The following RNF7 variants were observed in gnomAD, a reference collection of about 807,000 sequenced individuals.
RNF7 encodes RING-box protein 2.
Under a neutral mutation model 17.0 loss-of-function variants are expected in RNF7, and 9 were observed. That is an observed-to-expected ratio of 0.53 (90% CI 0.32 to 0.92). RNF7 has a LOEUF of 0.92. RNF7 is among the 40% of genes least tolerant of loss of function. The pLI, the probability that RNF7 is intolerant of heterozygous loss-of-function variation, is 0.04. For missense variants in RNF7, 87 were observed against 145.8 expected (o/e 0.60, Z 2.08); for synonymous variants, 59 against 50.5 (o/e 1.17, Z -0.72).
At chr3:141,743,919 C>T (rs2107858392) in intron 2 of RNF7, among the ~76,000 whole-genome samples, 1 of 152,266 alleles carries the variant, frequency 6.6e-6, no homozygotes, top group South Asian at 2.1e-4. Context: ...AGGCATTTCA[C>T]TTTTCAATAC....
chr3:141,744,546 G>GGGCA (rs1304324636), intron 2 of RNF7, among the ~76,000 whole-genome samples: 1 of 151,922 alleles, frequency 6.6e-6, no homozygotes, highest in Non-Finnish European at 1.5e-5. Context: ...GAATTGTGAG[G>GGGCA]GGCAGGCCAC....
intron 1 of RNF7, among the ~76,000 whole-genome samples, chr3:141,738,826 A>C (rs940476940): frequency 2.0e-5 from 3 of 152,216 alleles, no homozygotes; most frequent in Non-Finnish European, 4.4e-5. Context: ...GATGGGTGTG[A>C]CCAAGAAAGT....
chr3:141,742,878 A>G, intron 1 of RNF7: 2 of 1,102,138 alleles, frequency 1.8e-6, no homozygotes, highest in Non-Finnish European at 2.2e-6. Flanking sequence ...GTTGCTTCTT[A>G]TGAGTTGCTA....
In RNF7 at chr3:141,746,552, AAC is replaced by A. The variant is rs1491022070; in HGVS notation, c.*1277_*1278del. 6.6e-6 allele frequency: 1 copy of A among 151,164 alleles called. No individual in the cohort carries two copies. The highest frequency in any genetic ancestry group is 6.6e-5 in the Admixed American group (1 of 15,086). The allele number at this position is 151,164 out of a possible 1,614,324, so 9.4% of individuals were successfully genotyped here. ...CTGGAAAGAGTGCAAGAAAATACTA[AAC>A]AACTTTATCAAACTGATTCACACTG... On this transcript the variant is annotated 3_prime_UTR_variant, in exon 3 of 3. Coordinates refer to ENST00000273480, the MANE Select transcript of RNF7 (RefSeq NM_014245.5).
Position 141,738,497 on chromosome 3 carries a change from C to A in RNF7, c.156C>A (p.Ile52=). The change falls in exon 1 of 3, where the codon ATC becomes ATA. Residue 52 remains isoleucine (I), a synonymous_variant. Coordinates refer to ENST00000273480, the MANE Select transcript of RNF7 (RefSeq NM_014245.5). ...ACGTGGAGTGCGATACGTGCGCCAT[C>A]TGCAGGGTCCAGGTGATGGGTAAGC... The part of the protein sequence containing the change: ...SWDVECDTCA[I]CRVQVMDACL... The A allele has an allele frequency of 6.2e-7, 1 of 1,613,510 alleles. No individual in the cohort carries two copies. Among genetic ancestry groups the A allele is most frequent in the Non-Finnish European group, 8.5e-7 (1 of 1,179,672 alleles).
At chr3:141,741,781 A>G (rs1341097053) in intron 1 of RNF7, among the ~76,000 whole-genome samples, 1 of 150,950 alleles carries the variant, frequency 6.6e-6, no homozygotes, top group African/African-American at 2.4e-5. Context: ...AGTTACTATA[A>G]GCTCACTGGG....
At chr3:141,743,603 C>T (rs748219433) in intron 2 of RNF7, 47 bp downstream of exon 2, 3 of 1,361,488 alleles carry the variant, frequency 2.2e-6, no homozygotes, top group Non-Finnish European at 3.1e-6. Context: ...AAGGTTTTCT[C>T]TCAGTAGGGA....
Position 141,738,368 on chromosome 3 carries a change from A to G in RNF7, c.27A>G (p.Glu9=). The part of the protein sequence containing the change: MADVEDGE[E]TCALASHSGS... ...TGGCCGACGTGGAAGACGGAGAGGAAACCTGCGCCCTGGCCTCTCACTCCG... is the reference window on the plus strand; with the variant it reads ...TGGCCGACGTGGAAGACGGAGAGGAGACCTGCGCCCTGGCCTCTCACTCCG... The change falls in exon 1 of 3, where the codon GAA becomes GAG. Residue 9 remains glutamate (E), a synonymous_variant. Transcript: ENST00000273480. 1.3e-6 allele frequency: 2 copies of G among 1,587,184 alleles called. No individual in the cohort carries two copies. Among genetic ancestry groups the G allele is most frequent in the East Asian group, 2.3e-5 (1 of 43,028 alleles).
At chr3:141,742,947 A>G (rs1042157587) in intron 1 of RNF7, 82 of 1,009,924 alleles carry the variant, frequency 8.1e-5, no homozygotes, top group Non-Finnish European at 9.8e-5. Context: ...TTATGAAGCA[A>G]TTTTTTAATT....
At position 141,745,831 on chromosome 3, in the gene RNF7, G is replaced by T. The variant is rs1404626407; in HGVS notation, c.*554G>T. ...AGGGTAAATAAAATTTAACTTTTGA[G>T]CATATGGAATTTTGATTGCCTTTAA... On this transcript the variant is annotated 3_prime_UTR_variant, in exon 3 of 3. Transcript: ENST00000273480. The T allele has an allele frequency of 1.3e-5, 2 of 152,100 alleles. No individual in the cohort carries two copies. Among genetic ancestry groups the T allele is most frequent in the Non-Finnish European group, 2.9e-5 (2 of 68,042 alleles). 9.4% of individuals were successfully genotyped at this position (152,100 alleles called of 1,614,324 possible). A position where few individuals can be genotyped will look rare whatever the true frequency, so the allele number is the denominator to read the frequency against.
chr3:141,741,646 T>A (rs1240705078), intron 1 of RNF7, among the ~76,000 whole-genome samples: 1 of 152,232 alleles, frequency 6.6e-6, no homozygotes, highest in Non-Finnish European at 1.5e-5. Flanking sequence ...CCATTTTTGC[T>A]CCCTAAAATA....
At chr3:141,739,111 G>T (rs1260182417) in intron 1 of RNF7, among the ~76,000 whole-genome samples, 1 of 152,220 alleles carries the variant, frequency 6.6e-6, no homozygotes, top group Non-Finnish European at 1.5e-5. Context: ...TTTAAATCTG[G>T]ATTGATTTAA....
intron 1 of RNF7, among the ~76,000 whole-genome samples, chr3:141,740,171 T>C (rs1346999492): frequency 6.6e-6 from 1 of 150,920 alleles, no homozygotes; most frequent in African/African-American, 2.4e-5. Flanking sequence ...GGAGACTCTT[T>C]TTTTTTTTTT....
Position 141,746,938 on chromosome 3 carries a change from GT to G in RNF7, c.*1665del, listed in dbSNP as rs200542817. The G allele has an allele frequency of 6.6e-6, 1 of 152,164 alleles. No individual in the cohort carries two copies. The highest frequency in any genetic ancestry group is 6.5e-5 in the Admixed American group (1 of 15,280). 9.4% of individuals were successfully genotyped at this position (152,164 alleles called of 1,614,324 possible). On this transcript the variant is annotated 3_prime_UTR_variant, in exon 3 of 3. Transcript: ENST00000273480. ...AATGTTTATCATTGTGCAGTGAACT[GT>G]TTTAGTAACTTTCTGTTTGACCTTT...
intron 1 of RNF7, among the ~76,000 whole-genome samples, chr3:141,741,011 C>T (rs1380355680): frequency 4.6e-5 from 7 of 152,218 alleles, no homozygotes; most frequent in Non-Finnish European, 8.8e-5. Flanking sequence ...GATGATTACA[C>T]AGTGAGCAAG....
rs1284852973 is a variant in RNF7 at position 141,747,431 on chromosome 3, G to C, written c.*2154G>C. The C allele has an allele frequency of 1.3e-5, 2 of 152,168 alleles. No homozygotes were observed. Among genetic ancestry groups the C allele is most frequent in the African/African-American group, 4.8e-5 (2 of 41,430 alleles). The allele number at this position is 152,168 out of a possible 1,614,324, so 9.4% of individuals were successfully genotyped here. Reference sequence around the variant, plus strand: ...TTAATTTTCCCTCTATGCAAATTGTGTTATTACAGCTGACCGCTATCAGTA... The same window carrying C: ...TTAATTTTCCCTCTATGCAAATTGTCTTATTACAGCTGACCGCTATCAGTA... On this transcript the variant is annotated 3_prime_UTR_variant, in exon 3 of 3. Transcript: ENST00000273480.
rs2084482243 is a variant in RNF7, at chr3:141,747,124, C to A, written c.*1847C>A. 1 of 152,212 alleles carries A rather than the reference C, an allele frequency of 6.6e-6. No homozygotes were observed. The highest frequency in any genetic ancestry group is 6.5e-5 in the Admixed American group (1 of 15,282). The allele number at this position is 152,212 out of a possible 1,614,324, so 9.4% of individuals were successfully genotyped here. On this transcript the variant is annotated 3_prime_UTR_variant, in exon 3 of 3. Transcript: ENST00000273480. ...ATTTTCCACACAGCAAAACCACAGT[C>A]CCGCCACCTAACAAAGCCCTGTTTA...
Position 141,745,104 on chromosome 3 carries a change from G to A in RNF7, c.224-55G>A, listed in dbSNP as rs921794819. 3 of 1,093,646 alleles carry A rather than the reference G, an allele frequency of 2.7e-6. No individual in the cohort carries two copies. In the Admixed American group the frequency reaches 6.2e-5, roughly 23 times the overall value. The allele number at this position is 1,093,646 out of a possible 1,614,324, so 67.7% of individuals were successfully genotyped here. A position where few individuals can be genotyped will look rare whatever the true frequency, so the allele number is the denominator to read the frequency against. On this transcript the variant is annotated intron_variant, in intron 2 of 2. Coordinates refer to ENST00000273480, the MANE Select transcript of RNF7 (RefSeq NM_014245.5). ...AATATAAAATAAGCTATAATTTTGA[G>A]TTCAGTGTTTAAATTGAAATATGTA...
At chr3:141,744,049 C>T (rs1177721406) in intron 2 of RNF7, among the ~76,000 whole-genome samples, 3 of 152,058 alleles carry the variant, frequency 2.0e-5, no homozygotes, top group Non-Finnish European at 4.4e-5. Context: ...CAAAAGTTGT[C>T]GTAGGCTAAA....
Sources: allele counts gnomAD v4.1 joint callset (sites outside exome capture counted in the v4.1 genomes callset), GRCh38; gene constraint gnomAD v4.1.1; transcripts MANE v1.5; gene names NCBI Gene and HGNC (gene_info 2026-07-23, HGNC 2026-07-21).